Variants in LRBA observed in about 807,000 individuals in gnomAD.
LRBA encodes the protein LPS responsive beige-like anchor protein, also known as lipopolysaccharide-responsive and beige-like anchor protein.
A neutral mutation model predicts 330.0 loss-of-function variants in LRBA; 176 were observed. That is an observed-to-expected ratio of 0.53 (90% CI 0.47 to 0.60). The LOEUF is 0.60. Ranked by LOEUF, LRBA falls within the 20% of genes least tolerant of loss-of-function variation. The pLI is 0.00. For missense variants in LRBA, 3,259 were observed against 3,444.8 expected (o/e 0.95, Z 1.35); for synonymous variants, 1,230 against 1,193.0 (o/e 1.03, Z -0.64).
At chr4:150,369,766 A>G (rs764973086) in intron 47 of LRBA, among the ~76,000 whole-genome samples, 25 of 152,296 alleles carry the variant, frequency 1.6e-4, no homozygotes, top group Middle Eastern at 6.8e-3. Flanking sequence ...ACCTCTTCTG[A>G]AATGCTTCCT....
intron 40 of LRBA, among the ~76,000 whole-genome samples, chr4:150,505,766 C>T (rs369279464): frequency 6.6e-6 from 1 of 152,006 alleles, no homozygotes; most frequent in East Asian, 1.9e-4. Context: ...CACAAAAAAC[C>T]CTTCAAAAAA....
intron 40 of LRBA, among the ~76,000 whole-genome samples, chr4:150,531,646 G>A (rs932110981): frequency 1.3e-5 from 2 of 152,132 alleles, no homozygotes; most frequent in African/African-American, 4.8e-5. Context: ...TGATGAATGA[G>A]TGGATAGGCA....
intron 40 of LRBA, among the ~76,000 whole-genome samples, chr4:150,527,238 T>C (rs1379024107): frequency 2.0e-5 from 3 of 152,176 alleles, no homozygotes; most frequent in Admixed American, 6.5e-5. Flanking sequence ...ACCATACTTT[T>C]CTTTCTAGAT....
intron 2 of LRBA, among the ~76,000 whole-genome samples, chr4:150,931,724 T>C (rs1734525691): frequency 6.6e-6 from 1 of 151,856 alleles, no homozygotes; most frequent in South Asian, 2.1e-4. Context: ...ATCACACCAC[T>C]GCACTCCAGC....
rs1276920587 is a variant in LRBA, at chr4:150,959,995, C to T, written c.217-30930G>A. 4.1e-5 allele frequency among the ~76,000 whole-genome samples: 6 copies of T among 147,240 alleles called. No homozygotes were observed. In the East Asian group the frequency reaches 7.7e-4, roughly 19 times the overall value. ...CTTGAACTACTGTGTTCAAGGAATCCTCCTGCCCCAGCCTCCCAACTAGCT... is the reference window on the plus strand; with the variant it reads ...CTTGAACTACTGTGTTCAAGGAATCTTCCTGCCCCAGCCTCCCAACTAGCT... On this transcript the variant is annotated intron_variant, in intron 2 of 56. Transcript: ENST00000651943.
chr4:150,685,056 C>T (rs1268089608), intron 36 of LRBA, among the ~76,000 whole-genome samples: 1 of 151,960 alleles, frequency 6.6e-6, no homozygotes, highest in Non-Finnish European at 1.5e-5. Flanking sequence ...TCCTTCCTCT[C>T]AAGGTGTAAA....
chr4:150,879,256 A>G (rs1452922949), intron 17 of LRBA, among the ~76,000 whole-genome samples: 1 of 152,232 alleles, frequency 6.6e-6, no homozygotes, highest in Non-Finnish European at 1.5e-5. Context: ...AAACAGAATT[A>G]AAAACAAAAC....
intron 2 of LRBA, among the ~76,000 whole-genome samples, chr4:150,983,465 T>G (rs1399938189): frequency 6.1e-5 from 9 of 148,298 alleles, no homozygotes; most frequent in African/African-American, 1.0e-4. Flanking sequence ...TTTTTTTTTT[T>G]TTTTTTGAGA....
In LRBA at chr4:150,325,872, A is replaced by G; in HGVS notation, c.7389T>C (p.Phe2463=). The change falls in exon 49 of 57, where the codon TTT becomes TTC. Residue 2463 remains phenylalanine, a synonymous_variant. Transcript: ENST00000651943. The stretch of plus-strand genomic sequence containing the variant: ...TGAGTAGTTGAGAAGGAGTCTGTCC[A>G]AAACTTCGGATTTGAGCTTCAACAG... The part of the protein sequence containing the change: ...REAVEAQIRS[F]GQTPSQLLIE... The G allele has an allele frequency of 6.2e-7, 1 of 1,613,316 alleles. No homozygotes were observed. The highest frequency in any genetic ancestry group is 8.5e-7 in the Non-Finnish European group (1 of 1,179,518).
At chr4:150,585,843 T>A (rs1772046848) in intron 40 of LRBA, among the ~76,000 whole-genome samples, 1 of 152,186 alleles carries the variant, frequency 6.6e-6, no homozygotes, top group African/African-American at 2.4e-5. Flanking sequence ...TATGGAGGGA[T>A]GAGCAGCAGG....
intron 46 of LRBA, chr4:150,423,320 G>A (rs1164890990): frequency 1.3e-6 from 1 of 744,946 alleles, no homozygotes; most frequent in Non-Finnish European, 2.3e-6. Flanking sequence ...TCTCCCTGGG[G>A]GACGAGCTCT....
chr4:150,498,152 A>G (rs566253569), intron 40 of LRBA, among the ~76,000 whole-genome samples: 1 of 152,266 alleles, frequency 6.6e-6, no homozygotes, highest in African/African-American at 2.4e-5. Context: ...AAACTATTTT[A>G]TTTTAAGCTG....
intron 28 of LRBA, among the ~76,000 whole-genome samples, chr4:150,833,090 G>A (rs1747438731): frequency 6.6e-6 from 1 of 151,780 alleles, no homozygotes. Flanking sequence ...AGGAATTCTT[G>A]AGAGTATTTA....
intron 37 of LRBA, among the ~76,000 whole-genome samples, chr4:150,639,363 A>C (rs1778274046): frequency 6.9e-6 from 1 of 145,950 alleles, no homozygotes; most frequent in Non-Finnish European, 1.5e-5. Flanking sequence ...AGTATAATAA[A>C]AAAAAAAAAG....
At chr4:150,982,470 T>A (rs1383995446) in intron 2 of LRBA, among the ~76,000 whole-genome samples, 1 of 152,034 alleles carries the variant, frequency 6.6e-6, no homozygotes, top group African/African-American at 2.4e-5. Context: ...GGAAACAATG[T>A]AAGGTTACAG....
chr4:150,417,936 T>A (rs1748020244), intron 46 of LRBA, among the ~76,000 whole-genome samples: 1 of 152,130 alleles, frequency 6.6e-6, no homozygotes, highest in Non-Finnish European at 1.5e-5. Flanking sequence ...CTACATCTGT[T>A]ATTTCATTCA....
intron 46 of LRBA, among the ~76,000 whole-genome samples, chr4:150,422,037 T>C (rs1748869232): frequency 6.6e-6 from 1 of 152,146 alleles, no homozygotes; most frequent in South Asian, 2.1e-4. Flanking sequence ...GTGGGAGGAC[T>C]GATTGAGTGC....
chr4:150,530,104 A>C (rs919230848), intron 40 of LRBA, among the ~76,000 whole-genome samples: 1 of 152,210 alleles, frequency 6.6e-6, no homozygotes, highest in African/African-American at 2.4e-5. Flanking sequence ...CATAAGAAGA[A>C]ATACATATTA....
intron 28 of LRBA, among the ~76,000 whole-genome samples, chr4:150,836,360 A>C (rs1202004703): frequency 2.0e-5 from 3 of 152,176 alleles, no homozygotes; most frequent in Non-Finnish European, 2.9e-5. Flanking sequence ...TGATTGGAAT[A>C]GTTTCAGAAG....
Sources: allele counts gnomAD v4.1 joint callset (sites outside exome capture counted in the v4.1 genomes callset), GRCh38; gene constraint gnomAD v4.1.1; transcripts MANE v1.5; gene names NCBI Gene and HGNC (gene_info 2026-07-23, HGNC 2026-07-21).